The following FLVCR2 variants were observed in gnomAD, a reference collection of about 807,000 sequenced individuals.
FLVCR2 encodes the protein FLVCR choline and putative heme transporter 2.
A neutral mutation model predicts 48.9 loss-of-function variants in FLVCR2; 38 were observed. The ratio of observed to expected loss-of-function variants is 0.78; its 90% CI spans 0.60 to 1.02. The LOEUF (loss-of-function observed/expected upper bound fraction) is 1.02, where lower values mean the gene tolerates loss of function less well. Ranked by LOEUF, FLVCR2 falls within the 50% of genes least tolerant of loss-of-function variation. The probability of loss-of-function intolerance (pLI) is 0.00; values close to 1 mark genes in which losing one functional copy is unlikely to be tolerated. For synonymous variants in FLVCR2, 255 were observed against 257.0 expected (o/e 0.99, Z 0.07); for missense variants, 664 against 663.3 (o/e 1.00, Z -0.01).
chr14:75,581,862 A>G (rs1888617955), intron 1 of FLVCR2, among the ~76,000 whole-genome samples: 1 of 152,202 alleles, frequency 6.6e-6, no homozygotes, highest in Admixed American at 6.5e-5. Context: ...TCCATGATGG[A>G]AAGGAAATGA....
chr14:75,640,642 G>A (rs1401006678), intron 6 of FLVCR2: 2 of 411,988 alleles, frequency 4.9e-6, no homozygotes, highest in South Asian at 2.1e-5. Flanking sequence ...TCAGCTGAAG[G>A]TTGAACACAC....
intron 3 of FLVCR2, among the ~76,000 whole-genome samples, chr14:75,629,291 A>G (rs1473226883): frequency 6.6e-6 from 1 of 152,240 alleles, no homozygotes; most frequent in East Asian, 1.9e-4. Flanking sequence ...ACTATTATTT[A>G]TTATAAATGT....
At chr14:75,605,899 C>G in intron 1 of FLVCR2, 1 of 465,786 alleles carries the variant, frequency 2.1e-6, no homozygotes, top group Non-Finnish European at 3.9e-6. Context: ...CATACAATGA[C>G]TGGGTTGACA....
rs898162667 is a variant in FLVCR2, at chr14:75,641,103, T to C, written c.1341+43T>C. On this transcript the variant is annotated intron_variant, in intron 7 of 9. Coordinates refer to ENST00000238667, the MANE Select transcript of FLVCR2 (RefSeq NM_017791.3). ...TGTTTGTTTCCTGGCTGGGAAGGCA[T>C]TGCATCATGGCAGCTCAGTTCTTCC... 7.0e-6 allele frequency: 11 copies of C among 1,572,246 alleles called. No individual in the cohort carries two copies. In the Middle Eastern group the frequency reaches 5.0e-4, roughly 71 times the overall value.
At chr14:75,608,661 G>A (rs1889359914) in intron 1 of FLVCR2, among the ~76,000 whole-genome samples, 1 of 152,208 alleles carries the variant, frequency 6.6e-6, no homozygotes, top group Non-Finnish European at 1.5e-5. Flanking sequence ...ATGGGGATCG[G>A]TAGGGCTTGG....
intron 1 of FLVCR2, among the ~76,000 whole-genome samples, chr14:75,591,352 C>G (rs1325964558): frequency 1.3e-5 from 2 of 152,356 alleles, no homozygotes; most frequent in Non-Finnish European, 2.9e-5. Flanking sequence ...GGCCAGCAGA[C>G]TTTAAATCTT....
In FLVCR2 at chr14:75,641,030, C is replaced by A. The variant is rs765965107; in HGVS notation, c.1311C>A (p.Ile437=). The A allele has an allele frequency of 6.2e-7, 1 of 1,613,952 alleles. No homozygotes were observed. The highest frequency in any genetic ancestry group is 2.2e-5 in the East Asian group (1 of 44,896). ...VELTYPESEG[I]SSGLLNISAQ... is the part of the protein sequence containing the mutation. ...TCACGTACCCAGAATCAGAAGGCAT[C>A]TCCTCCGGCCTCCTCAACATATCTG... Residue 437 remains isoleucine (I), a synonymous_variant, in exon 7 of 10, where the codon ATC becomes ATA. Transcript: ENST00000238667.
intron 1 of FLVCR2, chr14:75,605,833 T>C: frequency 1.7e-6 from 1 of 575,188 alleles, no homozygotes; most frequent in Middle Eastern, 4.7e-4. Context: ...TGGAGCAAGG[T>C]TGGGAGCTGG....
intron 9 of FLVCR2, among the ~76,000 whole-genome samples, chr14:75,642,976 C>T (rs1463289348): frequency 1.3e-5 from 2 of 152,098 alleles, no homozygotes; most frequent in African/African-American, 2.4e-5. Flanking sequence ...ATTCTCATGC[C>T]GCAGTCTCCC....
rs754536281 is a variant in FLVCR2, at chr14:75,646,508, C to A, written c.*36C>A. On this transcript the variant is annotated 3_prime_UTR_variant, in exon 10 of 10. Transcript: ENST00000238667. ...GTGACAACTCAGGGAACACGAACACCCCACCTTTTCCTTCAGCACAGCTCT... is the reference window on the plus strand; with the variant it reads ...GTGACAACTCAGGGAACACGAACACACCACCTTTTCCTTCAGCACAGCTCT... 13 of 1,441,438 alleles carry A rather than the reference C, an allele frequency of 9.0e-6. No individual in the cohort carries two copies. Among genetic ancestry groups the A allele is most frequent in the Admixed American group, 8.4e-5 (5 of 59,706 alleles). 89.3% of individuals were successfully genotyped at this position (1,441,438 alleles called of 1,614,324 possible). A position where few individuals can be genotyped will look rare whatever the true frequency, so the allele number is the denominator to read the frequency against.
intron 3 of FLVCR2, among the ~76,000 whole-genome samples, chr14:75,628,026 T>C (rs1889950390): frequency 6.6e-6 from 1 of 152,244 alleles, no homozygotes. Flanking sequence ...TTCTTGCCTA[T>C]AGGGCGAGAA....
chr14:75,616,339 T>A (rs1048852704), intron 1 of FLVCR2, among the ~76,000 whole-genome samples: 7 of 151,536 alleles, frequency 4.6e-5, no homozygotes, highest in African/African-American at 1.5e-4. Flanking sequence ...AAAAAAAAAT[T>A]TTTTTTAATT....
intron 1 of FLVCR2, among the ~76,000 whole-genome samples, chr14:75,612,173 G>A (rs901945273): frequency 4.6e-5 from 7 of 151,734 alleles, no homozygotes; most frequent in African/African-American, 1.7e-4. Context: ...ATATTTATAG[G>A]GTGCTTTGAG....
rs764144834 is a variant in FLVCR2, at chr14:75,633,673, C to G, written c.997C>G (p.Arg333Gly). 1.2e-6 allele frequency: 2 copies of G among 1,613,918 alleles called. No homozygotes were observed. Among genetic ancestry groups the G allele is most frequent in the Admixed American group, 3.3e-5 (2 of 60,018 alleles). The change falls in exon 4 of 10, where the codon CGC (arginine) becomes GGC (glycine). Residue 333 changes from arginine to glycine, a missense_variant. Arg to Gly is a moderately radical substitution (Grantham distance 125). Transcript: ENST00000238667. ...AFYALSTLLNRMVIWHYPGEE... is the reference protein window; with the variant it reads ...AFYALSTLLNGMVIWHYPGEE... ...TTATGCCTTGTCCACTCTTCTGAAT[C>G]GCATGGTGATCTGGCACTACCCGGT...
In FLVCR2 at chr14:75,625,094, T is replaced by TG. The variant is rs397820866; in HGVS notation, c.952+343dup. ...ACCTGTCATTAAAAAAAAATTTTTT[T>TG]GCAGGTCTATTTCCCCATTAGACTG... is the stretch of plus-strand genomic sequence containing the variant. On this transcript the variant is annotated intron_variant, in intron 3 of 9. Coordinates refer to ENST00000238667, the MANE Select transcript of FLVCR2 (RefSeq NM_017791.3). 2.1e-3 allele frequency among the ~76,000 whole-genome samples: 311 copies of TG among 149,400 alleles called. 6 individuals carry two copies. Among genetic ancestry groups the TG allele is most frequent in the African/African-American group, 7.5e-3 (293 of 39,070 alleles).
chr14:75,603,432 C>T (rs181964334), intron 1 of FLVCR2, among the ~76,000 whole-genome samples: 1 of 152,184 alleles, frequency 6.6e-6, no homozygotes, highest in Non-Finnish European at 1.5e-5. Context: ...ACAGCCAGAC[C>T]TCAGGGGTGG....
At chr14:75,579,712 G>A in intron 1 of FLVCR2, 71 bp downstream of exon 1, 1 of 1,514,540 alleles carries the variant, frequency 6.6e-7, no homozygotes, top group Non-Finnish European at 9.1e-7. Flanking sequence ...GGTGTGGTAG[G>A]CTATAATTTG....
chr14:75,638,006 A>C (rs998168760), intron 5 of FLVCR2, among the ~76,000 whole-genome samples: 1 of 152,130 alleles, frequency 6.6e-6, no homozygotes, highest in African/African-American at 2.4e-5. Context: ...CGACACAGGG[A>C]AATGTAACAG....
intron 3 of FLVCR2, chr14:75,632,936 G>A: frequency 2.8e-6 from 2 of 702,372 alleles, no homozygotes; most frequent in Non-Finnish European, 5.2e-6. Context: ...GAGGCCAGGA[G>A]GCCTTTTCTC....
Sources: allele counts gnomAD v4.1 joint callset (sites outside exome capture counted in the v4.1 genomes callset), GRCh38; gene constraint gnomAD v4.1.1; transcripts MANE v1.5; gene names NCBI Gene and HGNC (gene_info 2026-07-23, HGNC 2026-07-21).